The following STXBP5L variants were observed in gnomAD, a reference collection of about 807,000 sequenced individuals.
STXBP5L encodes syntaxin-binding protein 5-like.
In STXBP5L, 65 loss-of-function variants were observed where a neutral mutation model predicts 144.5. That is an observed-to-expected ratio of 0.45 (90% CI 0.37 to 0.55). STXBP5L has a LOEUF of 0.55. Among genes scored for constraint, STXBP5L ranks in the 20% least tolerant of loss-of-function variants. The pLI, the probability that STXBP5L is intolerant of heterozygous loss-of-function variation, is 0.00. For missense variants in STXBP5L, 1,298 were observed against 1,405.5 expected (o/e 0.92, Z 1.22); for synonymous variants, 505 against 469.6 (o/e 1.08, Z -0.97).
intron 3 of STXBP5L, among the ~76,000 whole-genome samples, chr3:121,017,753 A>G: frequency 1.3e-5 from 2 of 152,026 alleles, no homozygotes; most frequent in African/African-American, 4.8e-5. Flanking sequence ...AAATCAGAAG[A>G]CTGATGAAAG....
chr3:121,219,267 A>G (rs1194743622), intron 10 of STXBP5L, among the ~76,000 whole-genome samples: 1 of 152,154 alleles, frequency 6.6e-6, no homozygotes, highest in Non-Finnish European at 1.5e-5. Context: ...ACAGTTAGGA[A>G]GTGGAATTAT....
chr3:121,210,221 A>G (rs1333968227), intron 10 of STXBP5L, among the ~76,000 whole-genome samples: 3 of 152,202 alleles, frequency 2.0e-5, no homozygotes, highest in African/African-American at 7.2e-5. Flanking sequence ...TTTTGGCTGC[A>G]TAAATGTCTT....
intron 2 of STXBP5L, 102 bp downstream of exon 2, chr3:120,909,869 C>A: frequency 8.1e-7 from 1 of 1,241,116 alleles, no homozygotes; most frequent in Non-Finnish European, 1.1e-6. Context: ...GTTGAGATGT[C>A]AGCATCAGAG....
At chr3:120,967,836 T>A (rs1939783659) in intron 3 of STXBP5L, among the ~76,000 whole-genome samples, 1 of 152,206 alleles carries the variant, frequency 6.6e-6, no homozygotes, top group Non-Finnish European at 1.5e-5. Context: ...ATTTTCAATT[T>A]TCTTTTAAAC....
At chr3:121,109,926 C>A (rs2043900458) in intron 5 of STXBP5L, among the ~76,000 whole-genome samples, 1 of 152,156 alleles carries the variant, frequency 6.6e-6, no homozygotes. Context: ...GGATAGTTAG[C>A]TCTTCTTGTT....
At chr3:121,043,132 A>G (rs1450404953) in intron 4 of STXBP5L, among the ~76,000 whole-genome samples, 1 of 151,986 alleles carries the variant, frequency 6.6e-6, no homozygotes, top group Non-Finnish European at 1.5e-5. Context: ...TGCCTTGTTC[A>G]CCTCATTTAT....
intron 6 of STXBP5L, among the ~76,000 whole-genome samples, chr3:121,116,831 G>A (rs2044251082): frequency 6.6e-6 from 1 of 151,862 alleles, no homozygotes. Context: ...ACATAATATT[G>A]TTTCAGGATA....
At position 121,091,076 on chromosome 3, in the gene STXBP5L, A is replaced by G. The variant is rs1015805423; in HGVS notation, c.471-23849A>G. On this transcript the variant is annotated intron_variant, in intron 5 of 26. Transcript: ENST00000471454. ...AGTTTACTGAGAATGATGCTTTCCAATTTCATCCATGTCCCTACAAAGGAC... is the reference window on the plus strand; with the variant it reads ...AGTTTACTGAGAATGATGCTTTCCAGTTTCATCCATGTCCCTACAAAGGAC... 5.3e-4 allele frequency among the ~76,000 whole-genome samples: 80 copies of G among 150,096 alleles called. 1 individual carries two copies. Among genetic ancestry groups the G allele is most frequent in the Admixed American group, 1.5e-3 (22 of 14,766 alleles).
intron 3 of STXBP5L, among the ~76,000 whole-genome samples, chr3:120,974,498 T>C (rs1293348688): frequency 6.6e-6 from 1 of 151,188 alleles, no homozygotes; most frequent in Non-Finnish European, 1.5e-5. Context: ...AGGTTGCCTG[T>C]TCACTCTGAT....
intron 9 of STXBP5L, among the ~76,000 whole-genome samples, chr3:121,181,626 G>A (rs1176519862): frequency 6.6e-6 from 1 of 151,830 alleles, no homozygotes; most frequent in Non-Finnish European, 1.5e-5. Flanking sequence ...CCCACCTACT[G>A]GAGAGGATGA....
chr3:121,132,893 G>A (rs748188466), intron 7 of STXBP5L, among the ~76,000 whole-genome samples: 3 of 152,028 alleles, frequency 2.0e-5, no homozygotes, highest in Non-Finnish European at 4.4e-5. Context: ...GTAGAAGAAA[G>A]GATCAGTGAA....
In STXBP5L at chr3:121,013,191, A is replaced by G. The variant is rs142024932; in HGVS notation, c.288-28509A>G. ...AAATGACTTTTTGGTGGAATGATTT[A>G]TTTTCCTTTGGATATATACCCATTA... is the stretch of plus-strand genomic sequence containing the variant. On this transcript the variant is annotated intron_variant, in intron 3 of 26. Coordinates refer to ENST00000471454, the MANE Select transcript of STXBP5L (RefSeq NM_001308330.2). Among the ~76,000 whole-genome samples the G allele has an allele frequency of 8.5e-5, 13 of 152,050 alleles. 1 individual carries two copies. The South Asian group carries it at 2.1e-3, about 24-fold the overall frequency.
chr3:121,188,789 G>A (rs191819854), intron 9 of STXBP5L, among the ~76,000 whole-genome samples: 210 of 152,260 alleles, frequency 1.4e-3, no homozygotes, highest in African/African-American at 4.6e-3. Flanking sequence ...CAATAAACTA[G>A]GTATTGATGG....
intron 20 of STXBP5L, among the ~76,000 whole-genome samples, chr3:121,359,787 T>C (rs1410494092): frequency 3.3e-5 from 5 of 151,850 alleles, no homozygotes; most frequent in Non-Finnish European, 1.5e-5. Flanking sequence ...GGATTCTCTA[T>C]TCTGTCCCAT....
chr3:121,091,018 A>T (rs1003684096), intron 5 of STXBP5L, among the ~76,000 whole-genome samples: 36 of 147,296 alleles, frequency 2.4e-4, no homozygotes, highest in African/African-American at 9.1e-4. Context: ...TATGAGTGAG[A>T]ATATGCGGTG....
At chr3:121,344,179 G>A (rs2044852455) in intron 20 of STXBP5L, among the ~76,000 whole-genome samples, 2 of 152,164 alleles carry the variant, frequency 1.3e-5, no homozygotes, top group South Asian at 2.1e-4. Context: ...ATGGTGCTGG[G>A]AAAACTGGCT....
chr3:121,299,858 G>C (rs576824761), intron 19 of STXBP5L, among the ~76,000 whole-genome samples: 43 of 151,800 alleles, frequency 2.8e-4, no homozygotes, highest in African/African-American at 9.7e-4. Flanking sequence ...GCATGCAGCT[G>C]TGGTCCCAGC....
At chr3:120,932,593 C>CCGT (rs1187666908) in intron 2 of STXBP5L, among the ~76,000 whole-genome samples, 1 of 50,996 alleles carries the variant, frequency 2.0e-5, no homozygotes, top group Non-Finnish European at 5.0e-5. Context: ...AAAATTAACA[C>CCGT]TGTTGGGACT....
At chr3:121,124,355 T>C (rs983564463) in intron 7 of STXBP5L, among the ~76,000 whole-genome samples, 5 of 151,976 alleles carry the variant, frequency 3.3e-5, no homozygotes, top group Admixed American at 1.3e-4. Flanking sequence ...TGATTCTCAA[T>C]TGGGATTTTG....
Sources: gnomAD v4.1 joint callset for allele counts (sites outside exome capture counted in the v4.1 genomes callset) on GRCh38, gnomAD v4.1.1 for gene constraint, MANE v1.5 for transcripts, NCBI Gene and HGNC (gene_info 2026-07-23, HGNC 2026-07-21) for gene names.